RBM19: variants seen among roughly 807,000 people sequenced by gnomAD.
RBM19 encodes RNA binding motif protein 19.
RBM19 carries 94 observed loss-of-function variants against 116.8 expected under a neutral mutation model. The ratio of observed to expected loss-of-function variants is 0.80; its 90% CI spans 0.68 to 0.95. The LOEUF (loss-of-function observed/expected upper bound fraction) is 0.95. RBM19 is among the 40% of genes least tolerant of loss of function. The pLI, the probability that RBM19 is intolerant of heterozygous loss-of-function variation, is 0.00. For synonymous variants in RBM19, 475 were observed against 494.1 expected (o/e 0.96, Z 0.51); for missense variants, 1,161 against 1,220.7 (o/e 0.95, Z 0.73).
intron 5 of RBM19, 30 bp downstream of exon 5, chr12:113,959,182 G>A (rs201963340): frequency 6.8e-5 from 108 of 1,590,514 alleles, no homozygotes; most frequent in African/African-American, 9.4e-5. Context: ...AGGTCCGTGC[G>A]CATGGAGCAC....
chr12:113,865,725 T>C (rs1878747910), intron 21 of RBM19, among the ~76,000 whole-genome samples: 1 of 152,140 alleles, frequency 6.6e-6, no homozygotes, highest in African/African-American at 2.4e-5. Context: ...TTTTATGCAG[T>C]GCAACCATAT....
intron 14 of RBM19, among the ~76,000 whole-genome samples, chr12:113,940,498 C>T (rs1331890591): frequency 1.3e-5 from 2 of 152,196 alleles, no homozygotes; most frequent in African/African-American, 2.4e-5. Flanking sequence ...TTTTCCTGAA[C>T]TACAGACCGC....
chr12:113,959,766 C>T lies in RBM19; in HGVS notation c.378+99G>A, dbSNP rs974920984. 7.0e-6 allele frequency: 10 copies of T among 1,438,138 alleles called. No individual in the cohort carries two copies. The African/African-American group carries it at 1.3e-4, about 18-fold the overall frequency. The allele number at this position is 1,438,138 out of a possible 1,614,324, so 89.1% of individuals were successfully genotyped here. A position where few individuals can be genotyped will look rare whatever the true frequency, so the allele number is the denominator to read the frequency against. On this transcript the variant is annotated intron_variant, in intron 4 of 23. Coordinates refer to ENST00000261741, the MANE Select transcript of RBM19 (RefSeq NM_016196.4). ...CACCCTCTCCAGCCTCTACGGTCTC[C>T]TAGCCTCCACCCTCTCCCAGCCTCT...
chr12:113,950,612 A>G (rs1196289577), intron 8 of RBM19, among the ~76,000 whole-genome samples: 1 of 152,160 alleles, frequency 6.6e-6, no homozygotes, highest in African/African-American at 2.4e-5. Flanking sequence ...TCTTTCCTCT[A>G]GCATGAGAGG....
At chr12:113,858,990 G>C (rs1158027372) in intron 21 of RBM19, 94 bp from the exon 22 acceptor site, 1 of 1,180,086 alleles carries the variant, frequency 8.5e-7, no homozygotes, top group African/African-American at 1.5e-5. Context: ...AAATCCCTTT[G>C]GGTTATAAAA....
At chr12:113,878,043 C>T (rs755851405) in intron 21 of RBM19, among the ~76,000 whole-genome samples, 11 of 152,164 alleles carry the variant, frequency 7.2e-5, no homozygotes, top group East Asian at 1.9e-4. Context: ...GTCTCGTCTA[C>T]GGCTGCTTTC....
intron 21 of RBM19, among the ~76,000 whole-genome samples, chr12:113,893,353 C>T (rs1223468931): frequency 2.6e-5 from 4 of 151,952 alleles, no homozygotes. Context: ...TGTTCTTGAA[C>T]TTCTGGGCTC....
chr12:113,922,727 G>A (rs1868700279), intron 18 of RBM19, among the ~76,000 whole-genome samples: 1 of 152,108 alleles, frequency 6.6e-6, no homozygotes, highest in Non-Finnish European at 1.5e-5. Flanking sequence ...TGGAGAACAG[G>A]GATGTTAAGG....
chr12:113,919,342 C>T (rs867091419), intron 19 of RBM19, among the ~76,000 whole-genome samples: 1 of 152,174 alleles, frequency 6.6e-6, no homozygotes, highest in South Asian at 2.1e-4. Context: ...GAGGCTAAGG[C>T]GGGCGGATCA....
At chr12:113,956,943 G>A (rs541669305) in intron 6 of RBM19, among the ~76,000 whole-genome samples, 103 of 152,262 alleles carry the variant, frequency 6.8e-4, no homozygotes, top group East Asian at 9.6e-4. Flanking sequence ...AGTGTGTAGC[G>A]CAGGCTCAGT....
intron 21 of RBM19, among the ~76,000 whole-genome samples, chr12:113,890,094 T>C (rs1308772468): frequency 6.6e-6 from 1 of 152,226 alleles, no homozygotes; most frequent in Non-Finnish European, 1.5e-5. Context: ...TAAATGGTTG[T>C]TTGGATGGAT....
intron 21 of RBM19, among the ~76,000 whole-genome samples, chr12:113,887,634 CAAAAA>C (rs35665613): frequency 9.8e-5 from 7 of 71,166 alleles, no homozygotes; most frequent in South Asian, 7.5e-4. Flanking sequence ...GACTCCATCT[CAAAAA>C]AAAAAAAAAA....
chr12:113,935,537 T>G (rs1236360285), intron 16 of RBM19, among the ~76,000 whole-genome samples: 5 of 152,154 alleles, frequency 3.3e-5, no homozygotes, highest in Non-Finnish European at 7.4e-5. Context: ...CAATCATCAT[T>G]AACCCCAACG....
intron 21 of RBM19, among the ~76,000 whole-genome samples, chr12:113,911,750 G>A (rs911355266): frequency 1.3e-5 from 2 of 152,184 alleles, no homozygotes; most frequent in African/African-American, 2.4e-5. Context: ...ACCGGGCCAC[G>A]GTGATGAATG....
intron 21 of RBM19, among the ~76,000 whole-genome samples, chr12:113,863,182 A>C (rs2135749744): frequency 6.6e-6 from 1 of 151,136 alleles, no homozygotes; most frequent in African/African-American, 2.4e-5. Flanking sequence ...GTTTGCACAC[A>C]GGCCTGAAGG....
intron 21 of RBM19, among the ~76,000 whole-genome samples, chr12:113,870,907 A>T (rs116283586): frequency 4.7e-4 from 72 of 152,298 alleles, no homozygotes; most frequent in African/African-American, 1.7e-3. Context: ...ACACACCTCA[A>T]CATCCAGACA....
At chr12:113,926,702 T>C (rs910777720) in intron 17 of RBM19, among the ~76,000 whole-genome samples, 5 of 152,220 alleles carry the variant, frequency 3.3e-5, no homozygotes, top group Non-Finnish European at 5.9e-5. Flanking sequence ...GCTTCTCCAT[T>C]ATTCCCAGCG....
chr12:113,943,988 G>A (rs1385520315), intron 13 of RBM19, among the ~76,000 whole-genome samples: 1 of 151,874 alleles, frequency 6.6e-6, no homozygotes, highest in African/African-American at 2.4e-5. Flanking sequence ...TTCAGTGCCT[G>A]GTGGACAGCA....
rs199806319 is a variant in RBM19 at position 113,945,850 on chromosome 12, G to A, written c.1604C>T (p.Thr535Ile). The change falls in exon 13 of 24, where the codon ACC (threonine) becomes ATC (isoleucine). Residue 535 changes from threonine (T) to isoleucine (I), a missense_variant. Transcript: ENST00000261741. ...CACGTGGTCAAACACTTGACTCTTG[G>A]TGGCGTTGTACTTCTGTGCGATGGC... The part of the protein sequence containing the change: ...ADAIAQKYNA[T>I]KSQVFDHETK... 1.9e-6 allele frequency: 3 copies of A among 1,576,304 alleles called. No homozygotes were observed. Among genetic ancestry groups the A allele is most frequent in the Non-Finnish European group, 2.6e-6 (3 of 1,145,818 alleles).
Sources: gnomAD v4.1 joint callset for allele counts (sites outside exome capture counted in the v4.1 genomes callset) on GRCh38, gnomAD v4.1.1 for gene constraint, MANE v1.5 for transcripts, NCBI Gene and HGNC (gene_info 2026-07-23, HGNC 2026-07-21) for gene names.